EP300: variants seen among roughly 807,000 people sequenced by gnomAD.
EP300 encodes the protein histone acetyltransferase p300.
EP300 carries 31 observed loss-of-function variants against 264.0 expected under a neutral mutation model. The observed-to-expected ratio is 0.12, with a 90% CI of 0.09 to 0.16. EP300 has a LOEUF of 0.16. Among genes scored for constraint, EP300 ranks in the 10% least tolerant of loss-of-function variants. EP300 has a pLI of 1.00. For missense variants in EP300, 2,766 were observed against 3,052.9 expected, an observed-to-expected ratio of 0.91 and a Z score of 2.21; for synonymous variants, 1,340 against 1,045.4, an observed-to-expected ratio of 1.28 and a Z score of -5.44.
At chr22:41,172,728 T>G (rs2059177880) in intron 28 of EP300, 65 bp downstream of exon 28, 7 of 1,531,816 alleles carry the variant, frequency 4.6e-6, no homozygotes, top group South Asian at 1.2e-5. Flanking sequence ...AGAAGTGCAC[T>G]TAAACTTTCA....
chr22:41,137,001 A>T (rs2058954672), intron 7 of EP300, among the ~76,000 whole-genome samples: 1 of 151,884 alleles, frequency 6.6e-6, no homozygotes, highest in African/African-American at 2.4e-5. Context: ...CAGAGGTTGC[A>T]GTGAGCTGAG....
intron 8 of EP300, among the ~76,000 whole-genome samples, chr22:41,138,167 GT>G (rs2058962791): frequency 6.6e-6 from 1 of 152,016 alleles, no homozygotes; most frequent in Admixed American, 6.6e-5. Flanking sequence ...TAGAGCAGGG[GT>G]TTTTTGTTTG....
chr22:41,106,271 G>T (rs1172742814), intron 1 of EP300, among the ~76,000 whole-genome samples: 1 of 152,156 alleles, frequency 6.6e-6, no homozygotes, highest in Non-Finnish European at 1.5e-5. Flanking sequence ...ATAAGAACAA[G>T]AAATCTTTGT....
chr22:41,178,058 C>G lies in EP300; in HGVS notation c.6347C>G (p.Pro2116Arg). The G allele has an allele frequency of 6.2e-7, 1 of 1,614,154 alleles. No homozygotes were observed. ...CAGGGGCAGCCAGGGCTACAGCCAC[C>G]TACCATGCCAGGTCAGCAGGGGGTC... ...MPQGQPGLQP[P>R]TMPGQQGVHS... Residue 2116 changes from proline to arginine, a missense_variant, in exon 31 of 31, where the codon CCT becomes CGT. Physicochemically the swap from Pro to Arg is moderately radical, Grantham distance 103 (BLOSUM62 -2). Coordinates refer to ENST00000263253, the MANE Select transcript of EP300 (RefSeq NM_001429.4).
chr22:41,168,978 G>A, intron 25 of EP300, 111 bp downstream of exon 25: 5 of 1,479,686 alleles, frequency 3.4e-6, no homozygotes, highest in Non-Finnish European at 4.7e-6. Flanking sequence ...GTTTGGAAAT[G>A]CAAAATCTCA....
At chr22:41,176,020 G>A in intron 29 of EP300, 1 of 565,254 alleles carries the variant, frequency 1.8e-6, no homozygotes, top group Non-Finnish European at 3.2e-6. Flanking sequence ...AGGAGTTTGA[G>A]ACCAGCCTGG....
At chr22:41,166,765 A>T in intron 23 of EP300, 99 bp downstream of exon 23, 1 of 732,658 alleles carries the variant, frequency 1.4e-6, no homozygotes, top group Admixed American at 2.8e-5. Flanking sequence ...TCACAGTAAT[A>T]GAGTAAAAAT....
In EP300 at chr22:41,177,247, G is replaced by A; in HGVS notation, c.5536G>A (p.Gly1846Ser). ...QRTGVVGQQQGLPSPTPATPT... is the reference protein window; with the variant it reads ...QRTGVVGQQQSLPSPTPATPT... ...GACTGGTGTGGTTGGGCAGCAACAG[G>A]GCCTCCCTTCCCCCACTCCTGCCAC... Residue 1846 changes from glycine (G) to serine (S), a missense_variant, in exon 31 of 31, where the codon GGC becomes AGC. Coordinates refer to ENST00000263253, the MANE Select transcript of EP300 (RefSeq NM_001429.4). 4.3e-6 allele frequency: 7 copies of A among 1,614,056 alleles called. No individual in the cohort carries two copies. The highest frequency in any genetic ancestry group is 5.9e-6 in the Non-Finnish European group (7 of 1,180,012).
Position 41,147,935 on chromosome 22 carries a change from G to A in EP300, c.2230G>A (p.Ala744Thr). The A allele has an allele frequency of 3.1e-6, 5 of 1,606,364 alleles. No individual in the cohort carries two copies. Among genetic ancestry groups the A allele is most frequent in the Non-Finnish European group, 4.3e-6 (5 of 1,175,912 alleles). The change falls in exon 12 of 31, where the codon GCT becomes ACT. Residue 744 changes from alanine (A) to threonine (T), a missense_variant. Physicochemically the swap from Ala to Thr is moderately conservative, Grantham distance 58 (BLOSUM62 0). Coordinates refer to ENST00000263253, the MANE Select transcript of EP300 (RefSeq NM_001429.4). ...CCATGGACAGTTGGCTCAACCTGGA[G>A]CTCTCAACCCGGTTAGTTTGACGTC... ...QHHGQLAQPGALNPPMGYGPR... is the reference protein window; with the variant it reads ...QHHGQLAQPGTLNPPMGYGPR...
chr22:41,173,160 A>C (rs1334389775), intron 28 of EP300, among the ~76,000 whole-genome samples: 3 of 152,212 alleles, frequency 2.0e-5, no homozygotes, highest in Non-Finnish European at 4.4e-5. Flanking sequence ...ATTGAATTTA[A>C]CTTAACAAAA....
In EP300 at chr22:41,172,486, C is replaced by T. The variant is rs369963863; in HGVS notation, c.4453-13C>T. ...ACATAGAAATTCCTATATGTACATG[C>T]ATGTTTTCACAGGATATTTTTAAAC... On this transcript the variant is annotated splice_polypyrimidine_tract_variant and intron_variant, in intron 27 of 30. Transcript: ENST00000263253. 6.2e-7 allele frequency: 1 copy of T among 1,603,038 alleles called. No individual in the cohort carries two copies. Among genetic ancestry groups the T allele is most frequent in the African/African-American group, 1.3e-5 (1 of 74,688 alleles).
At chr22:41,142,495 G>C (rs2058988385) in intron 10 of EP300, among the ~76,000 whole-genome samples, 1 of 152,112 alleles carries the variant, frequency 6.6e-6, no homozygotes, top group South Asian at 2.1e-4. Flanking sequence ...CAGATTTTTT[G>C]AGTAGTTAGA....
intron 16 of EP300, among the ~76,000 whole-genome samples, chr22:41,153,785 C>T (rs2059060722): frequency 6.6e-6 from 1 of 152,152 alleles, no homozygotes; most frequent in Non-Finnish European, 1.5e-5. Context: ...TCTAATTTCA[C>T]AAGTTTATTC....
chr22:41,131,601 C>G lies in EP300; in HGVS notation c.1496C>G (p.Ser499Cys). 8 of 1,614,134 alleles carry G rather than the reference C, an allele frequency of 5.0e-6. No individual in the cohort carries two copies. The highest frequency in any genetic ancestry group is 6.8e-6 in the Non-Finnish European group (8 of 1,180,032). The change falls in exon 6 of 31, where the codon TCT becomes TGT. Residue 499 changes from serine to cysteine, a missense_variant. Coordinates refer to ENST00000263253, the MANE Select transcript of EP300 (RefSeq NM_001429.4). Reference protein sequence around the residue: ...KNQQNQQPGQSPQGMRPMSNM... With the variant: ...KNQQNQQPGQCPQGMRPMSNM... The stretch of plus-strand genomic sequence containing the variant: ...CAGCAGAATCAGCAGCCTGGGCAGT[C>G]TCCCCAAGGCATGCGGCCCATGAGC...
At chr22:41,162,512 A>T (rs972531841) in intron 20 of EP300, among the ~76,000 whole-genome samples, 2 of 152,172 alleles carry the variant, frequency 1.3e-5, no homozygotes, top group African/African-American at 4.8e-5. Flanking sequence ...TCCATTTCTG[A>T]TAAGAGGAAA....
intron 26 of EP300, 74 bp from the exon 27 acceptor site, chr22:41,170,332 C>CTT: frequency 7.0e-7 from 1 of 1,426,070 alleles, no homozygotes; most frequent in Non-Finnish European, 9.9e-7. Flanking sequence ...TCAACTCCAA[C>CTT]TTGTGGTTTA....
At chr22:41,093,874 C>G (rs1440801661) in intron 1 of EP300, among the ~76,000 whole-genome samples, 2 of 152,154 alleles carry the variant, frequency 1.3e-5, no homozygotes, top group Admixed American at 1.3e-4. Flanking sequence ...ACCTGGAAAT[C>G]AAGGTTAGAA....
At chr22:41,103,962 C>A (rs1219402428) in intron 1 of EP300, among the ~76,000 whole-genome samples, 1 of 104,288 alleles carries the variant, frequency 9.6e-6, no homozygotes, top group East Asian at 3.1e-4. Flanking sequence ...TTATTTTGTT[C>A]AAGATCCATG....
At position 41,161,306 on chromosome 22, in the gene EP300, T is replaced by G. The variant is rs563906808; in HGVS notation, c.3671+584T>G. Among the ~76,000 whole-genome samples, 3 of 152,312 alleles carry G rather than the reference T, an allele frequency of 2.0e-5. No individual in the cohort carries two copies. In the East Asian group the frequency reaches 5.8e-4, roughly 29 times the overall value. ...TTGGTAAATGGCCAAGAAAAAAATT[T>G]CAAACATATAGTCTAATAGTTTAAT... On this transcript the variant is annotated intron_variant, in intron 20 of 30. Transcript: ENST00000263253.
Sources: gnomAD v4.1 joint callset for allele counts (sites outside exome capture counted in the v4.1 genomes callset) on GRCh38, gnomAD v4.1.1 for gene constraint, MANE v1.5 for transcripts, NCBI Gene and HGNC (gene_info 2026-07-23, HGNC 2026-07-21) for gene names.